The following HPD variants were observed in gnomAD, a reference collection of about 807,000 sequenced individuals.
HPD encodes 4-hydroxyphenylpyruvate dioxygenase.
In HPD, 35 loss-of-function variants were observed where a neutral mutation model predicts 56.9. The observed-to-expected ratio is 0.62, with a 90% confidence interval of 0.47 to 0.82. The LOEUF is 0.82. HPD is among the 40% of genes least tolerant of loss of function. The pLI, the probability that HPD is intolerant of heterozygous loss-of-function variation, is 0.00. For synonymous variants in HPD, 186 were observed against 200.2 expected (o/e 0.93, Z 0.60); for missense variants, 442 against 506.8 (o/e 0.87, Z 1.23).
intron 4 of HPD, chr12:121,857,028 G>A (rs1008885614): frequency 1.0e-5 from 5 of 501,756 alleles, no homozygotes; most frequent in East Asian, 3.8e-5. Context: ...CGGAGGGGTC[G>A]GTGGGAGCTG....
the HPD span, among the ~76,000 whole-genome samples, chr12:121,879,039 C>T: frequency 6.6e-6 from 1 of 151,922 alleles, no homozygotes; most frequent in South Asian, 2.1e-4. Context: ...AATCCCAGCA[C>T]TTTGGGAGGC....
chr12:121,849,107 G>A (rs778239546), intron 8 of HPD, 31 bp from the exon 9 acceptor site: 1 of 1,463,642 alleles, frequency 6.8e-7, no homozygotes, highest in Non-Finnish European at 9.6e-7. Flanking sequence ...GGGTGAGAAG[G>A]TGGCTACCCC....
the HPD span, among the ~76,000 whole-genome samples, chr12:121,882,229 G>T: frequency 2.0e-5 from 3 of 152,012 alleles, no homozygotes; most frequent in Non-Finnish European, 4.4e-5. Flanking sequence ...GGATTCCTGG[G>T]CCAGAGTGAG....
At chr12:121,842,708 G>A (rs1202021288) in intron 12 of HPD, among the ~76,000 whole-genome samples, 2 of 149,896 alleles carry the variant, frequency 1.3e-5, no homozygotes, top group Non-Finnish European at 3.0e-5. Flanking sequence ...GGGATTACAG[G>A]CATGAACCAC....
the HPD span, among the ~76,000 whole-genome samples, chr12:121,876,284 C>A: frequency 6.6e-6 from 1 of 152,028 alleles, no homozygotes; most frequent in Non-Finnish European, 1.5e-5. Flanking sequence ...GCACTTGAGG[C>A]TGGGCCACAG....
intron 10 of HPD, 30 bp from the exon 11 acceptor site, chr12:121,846,963 C>T: frequency 1.2e-6 from 2 of 1,613,360 alleles, no homozygotes; most frequent in Non-Finnish European, 1.7e-6. Context: ...AGACCACTGT[C>T]ATTTGCCCCA....
upstream of HPD, among the ~76,000 whole-genome samples, chr12:121,864,073 C>CAAAAAA (rs748278452): frequency 2.8e-5 from 2 of 71,346 alleles, no homozygotes; most frequent in Non-Finnish European, 2.6e-5. Context: ...ACTAAAAATA[C>CAAAAAA]AAAAAAAAAA....
At chr12:121,866,985 C>T (rs190066552), upstream of HPD, among the ~76,000 whole-genome samples, 6 of 152,234 alleles carry the variant, frequency 3.9e-5, no homozygotes, top group Admixed American at 2.0e-4. Flanking sequence ...TACAGCTTTG[C>T]CTTTTCTAGA....
At chr12:121,879,168 C>T in the HPD span, among the ~76,000 whole-genome samples, 1 of 151,998 alleles carries the variant, frequency 6.6e-6, no homozygotes. Flanking sequence ...ACCTGTAATC[C>T]CAGCTACTCA....
intron 11 of HPD, among the ~76,000 whole-genome samples, chr12:121,844,756 G>C (rs192091177): frequency 5.9e-5 from 9 of 151,496 alleles, no homozygotes; most frequent in Non-Finnish European, 1.2e-4. Flanking sequence ...TGGTGGGAGC[G>C]TGTAGTCCCA....
intron 11 of HPD, among the ~76,000 whole-genome samples, chr12:121,844,768 C>A (rs183125142): frequency 7.9e-5 from 12 of 151,928 alleles, no homozygotes; most frequent in African/African-American, 2.9e-4. Flanking sequence ...GTAGTCCCAG[C>A]TACTTGGGAG....
chr12:121,881,829 A>ATTTTTTTTTTTTTTTTTTTT, the HPD span, among the ~76,000 whole-genome samples: 3 of 97,138 alleles, frequency 3.1e-5, no homozygotes, highest in East Asian at 8.4e-4. Context: ...TGTATTTTTA[A>ATTTTTTTTTTTTTTTTTTTT]TAGAGACAGG....
chr12:121,852,602 A>ACAAATGAC (rs111948982), intron 7 of HPD, among the ~76,000 whole-genome samples: 6,038 of 146,416 alleles, frequency 0.041, 435 homozygotes, highest in African/African-American at 0.14. Context: ...AGTGCTATAC[A>ACAAATGAC]CAAATGACCT....
At chr12:121,847,724 A>G (rs1007992250) in intron 9 of HPD, among the ~76,000 whole-genome samples, 2 of 151,986 alleles carry the variant, frequency 1.3e-5, no homozygotes, top group Admixed American at 1.3e-4. Context: ...TTTAGTAGAG[A>G]CAGTGTTTCA....
chr12:121,848,016 C>T (rs998044756), intron 9 of HPD, among the ~76,000 whole-genome samples: 4 of 152,070 alleles, frequency 2.6e-5, no homozygotes, highest in Admixed American at 6.6e-5. Flanking sequence ...TGTCTTGGAA[C>T]GAAATACATA....
Position 121,858,356 on chromosome 12 carries a change from C to T in HPD, c.30+331G>A, listed in dbSNP as rs367926304. On this transcript the variant is annotated intron_variant, in intron 2 of 13. Transcript: ENST00000289004. ...TGCGCTACCATGCCCGGCTAATTTT[C>T]GTATTTTTAGTAGAGACGGGGTTTC... is the stretch of plus-strand genomic sequence containing the variant. Among the ~76,000 whole-genome samples the T allele has an allele frequency of 1.8e-3, 277 of 152,086 alleles. 1 individual carries two copies. The highest frequency in any genetic ancestry group is 6.4e-3 in the African/African-American group (267 of 41,480).
the HPD span, among the ~76,000 whole-genome samples, chr12:121,875,065 A>T: frequency 6.6e-6 from 1 of 152,060 alleles, no homozygotes; most frequent in Non-Finnish European, 1.5e-5. Flanking sequence ...TGGCCTTGTC[A>T]CTTTCTTAAG....
chr12:121,876,250 G>C, the HPD span, among the ~76,000 whole-genome samples: 1 of 152,198 alleles, frequency 6.6e-6, no homozygotes, highest in African/African-American at 2.4e-5. Context: ...AGTGGAAGCT[G>C]CAGTGAGCCA....
chr12:121,861,065 G>A (rs1178637297), upstream of HPD, among the ~76,000 whole-genome samples: 1 of 152,124 alleles, frequency 6.6e-6, no homozygotes, highest in African/African-American at 2.4e-5. Context: ...CCTGGATGCA[G>A]TGGCTCATGC....
Sources: gnomAD v4.1 joint callset for allele counts (sites outside exome capture counted in the v4.1 genomes callset) on GRCh38, gnomAD v4.1.1 for gene constraint, MANE v1.5 for transcripts, NCBI Gene and HGNC (gene_info 2026-07-23, HGNC 2026-07-21) for gene names.